The following SP4 variants were observed in gnomAD, a reference collection of about 807,000 sequenced individuals.
The protein encoded by SP4 is Sp4 transcription factor, also known as transcription factor Sp4.
SP4 carries 19 observed loss-of-function variants against 72.8 expected under a neutral mutation model. That is an observed-to-expected ratio of 0.26 (90% confidence interval 0.18 to 0.38). The LOEUF is 0.38. Among genes scored for constraint, SP4 ranks in the 10% least tolerant of loss-of-function variants. The pLI is 1.00. For synonymous variants in SP4, 395 were observed against 333.1 expected (o/e 1.19, Z -2.02); for missense variants, 1,008 against 926.3 (o/e 1.09, Z -1.14).
At chr7:21,465,631 A>G (rs1391865537) in intron 3 of SP4, among the ~76,000 whole-genome samples, 1 of 152,214 alleles carries the variant, frequency 6.6e-6, no homozygotes, top group East Asian at 1.9e-4. Context: ...CTTAACAAGG[A>G]TTCCCTCTCT....
At chr7:21,508,054 C>T (rs1027283031) in intron 5 of SP4, among the ~76,000 whole-genome samples, 2 of 152,110 alleles carry the variant, frequency 1.3e-5, no homozygotes, top group African/African-American at 4.8e-5. Flanking sequence ...GCAGTGCCTG[C>T]TTTTCTCCCT....
rs1784523597 is a variant in SP4, at chr7:21,477,139, T to C, written c.1739T>C (p.Val580Ala). The C allele has an allele frequency of 6.2e-7, 1 of 1,614,152 alleles. No individual in the cohort carries two copies. Among genetic ancestry groups the C allele is most frequent in the Non-Finnish European group, 8.5e-7 (1 of 1,179,958 alleles). Residue 580 changes from valine (V) to alanine (A), a missense_variant, in exon 4 of 6, where the codon GTA (valine) becomes GCA (alanine). Val to Ala is a moderately conservative substitution (Grantham distance 64). Transcript: ENST00000222584. ...VQQATIAPVT[V>A]AVGGIANATI... ...CAAGCTACTATAGCTCCTGTAACTG[T>C]AGCAGTTGGAGGAATTGCTAATGCC...
intron 3 of SP4, among the ~76,000 whole-genome samples, chr7:21,434,545 A>G (rs1782983581): frequency 2.0e-5 from 3 of 152,178 alleles, no homozygotes. Flanking sequence ...AAATATGTGT[A>G]TGCTCTGCAT....
At chr7:21,479,797 C>T (rs892544638) in intron 4 of SP4, among the ~76,000 whole-genome samples, 5 of 152,178 alleles carry the variant, frequency 3.3e-5, no homozygotes, top group African/African-American at 9.7e-5. Flanking sequence ...TCTTTAACTT[C>T]TTTCATCAAT....
chr7:21,438,589 C>G (rs1783126656), intron 3 of SP4, among the ~76,000 whole-genome samples: 1 of 152,058 alleles, frequency 6.6e-6, no homozygotes, highest in Non-Finnish European at 1.5e-5. Context: ...TTAGTTCTGA[C>G]ACTGAATTTG....
At chr7:21,497,815 A>G (rs1214828241) in intron 5 of SP4, among the ~76,000 whole-genome samples, 1 of 152,220 alleles carries the variant, frequency 6.6e-6, no homozygotes, top group Admixed American at 6.5e-5. Context: ...TGAAATAACC[A>G]AAGAGCTTCT....
chr7:21,489,553 C>CTTTTTTTTTTTTTTT (rs1193080485), intron 5 of SP4, among the ~76,000 whole-genome samples: 82 of 82,526 alleles, frequency 9.9e-4, no homozygotes, highest in Non-Finnish European at 1.7e-3. Flanking sequence ...TTTCTTTTTT[C>CTTTTTTTTTTTTTTT]TTTTTTTTTT....
At position 21,429,762 on chromosome 7, in the gene SP4, T is replaced by A. The variant is rs1288962646; in HGVS notation, c.597T>A (p.Ile199=). ...LQDLQGQIQL[I]SAGNNQAILT... is the part of the protein sequence containing the mutation. ...ATTTGCAGGGTCAAATTCAGCTCAT[T>A]TCTGCAGGTAATAATCAAGCTATAC... Residue 199 remains isoleucine, a synonymous_variant, in exon 3 of 6, where the codon ATT becomes ATA. Coordinates refer to ENST00000222584, the MANE Select transcript of SP4 (RefSeq NM_003112.5). 1 of 1,614,042 alleles carries A rather than the reference T, an allele frequency of 6.2e-7. No homozygotes were observed. Among genetic ancestry groups the A allele is most frequent in the Non-Finnish European group, 8.5e-7 (1 of 1,180,004 alleles).
At chr7:21,486,246 A>G (rs1385071825) in intron 5 of SP4, among the ~76,000 whole-genome samples, 1 of 151,322 alleles carries the variant, frequency 6.6e-6, no homozygotes, top group East Asian at 1.9e-4. Context: ...ATAATTTTAT[A>G]CTTAGAGAAG....
At chr7:21,436,239 C>T (rs530998816) in intron 3 of SP4, among the ~76,000 whole-genome samples, 3 of 152,084 alleles carry the variant, frequency 2.0e-5, no homozygotes, top group South Asian at 2.1e-4. Context: ...AATTCTGAAT[C>T]GGAATATATA....
chr7:21,500,663 C>G (rs1185000300), intron 5 of SP4, among the ~76,000 whole-genome samples: 1 of 152,200 alleles, frequency 6.6e-6, no homozygotes, highest in African/African-American at 2.4e-5. Context: ...GCTGCCCACA[C>G]TCCTTCTCAT....
At chr7:21,480,666 G>A (rs555137907) in intron 4 of SP4, among the ~76,000 whole-genome samples, 9 of 152,252 alleles carry the variant, frequency 5.9e-5, no homozygotes, top group Admixed American at 1.3e-4. Context: ...CTTTTCCCAA[G>A]AATCTCAATA....
intron 3 of SP4, among the ~76,000 whole-genome samples, chr7:21,463,096 CAG>C (rs996095229): frequency 5.5e-5 from 8 of 145,080 alleles, no homozygotes; most frequent in African/African-American, 2.1e-4. Flanking sequence ...TTTTTTGAGA[CAG>C]GGTCTGTCAC....
At chr7:21,453,679 C>T (rs933975543) in intron 3 of SP4, among the ~76,000 whole-genome samples, 3 of 152,102 alleles carry the variant, frequency 2.0e-5, no homozygotes, top group African/African-American at 7.2e-5. Flanking sequence ...ATCAGTTTGC[C>T]CTCATTTTGT....
At chr7:21,436,794 T>C (rs1290771121) in intron 3 of SP4, among the ~76,000 whole-genome samples, 2 of 152,230 alleles carry the variant, frequency 1.3e-5, no homozygotes, top group African/African-American at 4.8e-5. Context: ...TGTGGTGAGA[T>C]GAGGGCTTAA....
At chr7:21,443,649 A>G (rs1783329952) in intron 3 of SP4, among the ~76,000 whole-genome samples, 1 of 152,144 alleles carries the variant, frequency 6.6e-6, no homozygotes, top group Non-Finnish European at 1.5e-5. Context: ...TGCTTTGGTA[A>G]GTGGGTATCT....
chr7:21,474,770 C>T (rs117162538), intron 3 of SP4, among the ~76,000 whole-genome samples: 1,626 of 152,314 alleles, frequency 0.011, 14 homozygotes, highest in South Asian at 0.033. Flanking sequence ...ACAACTCTCA[C>T]TTCACTTGCA....
intron 3 of SP4, among the ~76,000 whole-genome samples, chr7:21,459,985 A>G (rs1216726985): frequency 1.3e-5 from 2 of 152,226 alleles, no homozygotes; most frequent in Non-Finnish European, 1.5e-5. Context: ...AGAGAGATGA[A>G]TGGTAAAAGA....
In SP4 at chr7:21,467,628, T is replaced by C. The variant is rs550021855; in HGVS notation, c.1679-9451T>C. On this transcript the variant is annotated intron_variant, in intron 3 of 5. Transcript: ENST00000222584. The stretch of plus-strand genomic sequence containing the variant: ...TCATTATGTAAACCAAATCCTATTT[T>C]AGAGTGTGTTTATTGAAAGTTATTT... Among the ~76,000 whole-genome samples, 180 of 152,294 alleles carry C rather than the reference T, an allele frequency of 1.2e-3. 3 individuals carry two copies. The South Asian group carries it at 0.036, about 30-fold the overall frequency.
Sources: allele counts gnomAD v4.1 joint callset (sites outside exome capture counted in the v4.1 genomes callset), GRCh38; gene constraint gnomAD v4.1.1; transcripts MANE v1.5; gene names NCBI Gene and HGNC (gene_info 2026-07-23, HGNC 2026-07-21).